The following THRB variants were observed in gnomAD, a reference collection of about 807,000 sequenced individuals.
THRB encodes the protein thyroid hormone receptor beta.
THRB carries 12 observed loss-of-function variants against 47.8 expected under a neutral mutation model. That is an observed-to-expected ratio of 0.25 (90% CI 0.16 to 0.41). THRB has a LOEUF of 0.41. Ranked by LOEUF, THRB falls within the 10% of genes least tolerant of loss-of-function variation. THRB has a pLI of 1.00. For missense variants in THRB, 348 were observed against 589.2 expected (o/e 0.59, Z 4.24); for synonymous variants, 218 against 212.2 (o/e 1.03, Z -0.24).
At chr3:24,312,714 G>T (rs1389085591) in intron 2 of THRB, among the ~76,000 whole-genome samples, 1 of 152,190 alleles carries the variant, frequency 6.6e-6, no homozygotes, top group Non-Finnish European at 1.5e-5. Flanking sequence ...TGAGTGAGGG[G>T]GAGAAGAAGA....
intron 2 of THRB, among the ~76,000 whole-genome samples, chr3:24,297,780 C>T (rs928069059): frequency 6.6e-6 from 1 of 152,162 alleles, no homozygotes; most frequent in East Asian, 1.9e-4. Context: ...CCTGGATGCT[C>T]GGGTCACACA....
At chr3:24,159,662 G>C (rs997694600) in intron 5 of THRB, among the ~76,000 whole-genome samples, 2 of 152,016 alleles carry the variant, frequency 1.3e-5, no homozygotes, top group Admixed American at 6.6e-5. Flanking sequence ...TCCTCGAGTG[G>C]GGATGATTTT....
At chr3:24,208,984 A>C (rs987772189) in intron 4 of THRB, among the ~76,000 whole-genome samples, 3 of 152,212 alleles carry the variant, frequency 2.0e-5, no homozygotes, top group Non-Finnish European at 4.4e-5. Context: ...AAGAACTCAA[A>C]CTTACAAGAA....
At chr3:24,426,838 C>T (rs1362404702) in intron 1 of THRB, among the ~76,000 whole-genome samples, 5 of 151,910 alleles carry the variant, frequency 3.3e-5, no homozygotes, top group Admixed American at 1.3e-4. Flanking sequence ...ATGATTTACA[C>T]TGTATAAAAG....
At chr3:24,128,868 T>TC (rs1412606177) in intron 9 of THRB, among the ~76,000 whole-genome samples, 3 of 82,564 alleles carry the variant, frequency 3.6e-5, no homozygotes, top group Middle Eastern at 0.01. Flanking sequence ...TAACTCTTTT[T>TC]TTTTTTTTTT....
chr3:24,135,844 TA>T (rs1559422460), intron 8 of THRB, among the ~76,000 whole-genome samples: 2,625 of 87,632 alleles, frequency 0.03, 93 homozygotes, highest in African/African-American at 0.1. Flanking sequence ...TATATATATA[TA>T]TAATACATAA....
chr3:24,392,744 T>C (rs998308735), intron 1 of THRB, among the ~76,000 whole-genome samples: 1 of 152,172 alleles, frequency 6.6e-6, no homozygotes, highest in Non-Finnish European at 1.5e-5. Context: ...TATAGTTATA[T>C]GAGTAACATT....
At chr3:24,285,938 G>A (rs1027145716) in intron 3 of THRB, among the ~76,000 whole-genome samples, 18 of 152,160 alleles carry the variant, frequency 1.2e-4, no homozygotes, top group African/African-American at 3.9e-4. Context: ...TTTGGAGGTA[G>A]GGCCTCTGGG....
chr3:24,345,998 AAAG>A (rs967910584), intron 1 of THRB, among the ~76,000 whole-genome samples: 32 of 152,284 alleles, frequency 2.1e-4, no homozygotes, highest in African/African-American at 7.5e-4. Context: ...ACCAAAACTA[AAAG>A]AATATTTAAA....
chr3:24,362,985 T>A (rs2064185523), intron 1 of THRB, among the ~76,000 whole-genome samples: 1 of 152,194 alleles, frequency 6.6e-6, no homozygotes, highest in Non-Finnish European at 1.5e-5. Context: ...GGACAATTAC[T>A]GGGAGCTGAT....
At chr3:24,477,448 G>C (rs1695655723) in intron 1 of THRB, among the ~76,000 whole-genome samples, 1 of 151,998 alleles carries the variant, frequency 6.6e-6, no homozygotes, top group South Asian at 2.1e-4. Context: ...GAATCCCCTG[G>C]GGACCTTGTT....
intron 5 of THRB, among the ~76,000 whole-genome samples, chr3:24,173,418 C>T (rs988312053): frequency 2.0e-5 from 3 of 152,162 alleles, no homozygotes; most frequent in Non-Finnish European, 4.4e-5. Flanking sequence ...CAATGCAGCT[C>T]AATTTTCCTG....
At chr3:24,163,273 T>A (rs1266405740) in intron 5 of THRB, among the ~76,000 whole-genome samples, 1 of 152,218 alleles carries the variant, frequency 6.6e-6, no homozygotes, top group Non-Finnish European at 1.5e-5. Context: ...TTAGTGAGTT[T>A]GGCAGGTGGC....
At chr3:24,417,227 T>A (rs1321233788) in intron 1 of THRB, among the ~76,000 whole-genome samples, 1 of 151,834 alleles carries the variant, frequency 6.6e-6, no homozygotes, top group African/African-American at 2.4e-5. Flanking sequence ...GTGAATTCAT[T>A]AAATACATAT....
At chr3:24,288,946 C>T (rs2055629858) in intron 3 of THRB, among the ~76,000 whole-genome samples, 1 of 152,192 alleles carries the variant, frequency 6.6e-6, no homozygotes, top group Admixed American at 6.5e-5. Flanking sequence ...AATTGGAAAG[C>T]CACTGCACCA....
chr3:24,185,826 G>T (rs1347830328), intron 5 of THRB, among the ~76,000 whole-genome samples: 1 of 152,212 alleles, frequency 6.6e-6, no homozygotes, highest in Non-Finnish European at 1.5e-5. Flanking sequence ...CCAGAGAGAA[G>T]TACAGTAGGG....
intron 6 of THRB, 61 bp from the exon 7 acceptor site, chr3:24,146,883 G>T: frequency 6.6e-7 from 1 of 1,514,118 alleles, no homozygotes. Context: ...CAGTGATTCT[G>T]GAATTTTGTG....
At chr3:24,172,458 T>C (rs2040557279) in intron 5 of THRB, among the ~76,000 whole-genome samples, 1 of 152,108 alleles carries the variant, frequency 6.6e-6, no homozygotes, top group Non-Finnish European at 1.5e-5. Flanking sequence ...TTAAAACATA[T>C]TGTTAACTGA....
chr3:24,384,127 T>C (rs928747843), intron 1 of THRB, among the ~76,000 whole-genome samples: 1 of 152,156 alleles, frequency 6.6e-6, no homozygotes, highest in South Asian at 2.1e-4. Flanking sequence ...ATGGCTACTG[T>C]ATATCCTTTT....
Sources: gnomAD v4.1 joint callset for allele counts (sites outside exome capture counted in the v4.1 genomes callset) on GRCh38, gnomAD v4.1.1 for gene constraint, MANE v1.5 for transcripts, NCBI Gene and HGNC (gene_info 2026-07-23, HGNC 2026-07-21) for gene names.